PSMB2: variants seen among roughly 807,000 people sequenced by gnomAD.
The protein encoded by PSMB2 is proteasome subunit beta type-2.
Under a neutral mutation model 25.7 loss-of-function variants are expected in PSMB2, and 13 were observed. That is an observed-to-expected ratio of 0.51 (90% confidence interval 0.33 to 0.80). PSMB2 has a LOEUF of 0.80. PSMB2 is among the 30% of genes least tolerant of loss of function. PSMB2 has a pLI of 0.02. For synonymous variants in PSMB2, 87 were observed against 96.2 expected, an observed-to-expected ratio of 0.90 and a Z score of 0.56; for missense variants, 202 against 259.0, an observed-to-expected ratio of 0.78 and a Z score of 1.51.
chr1:35,614,674 C>T (rs752913044), intron 3 of PSMB2, among the ~76,000 whole-genome samples: 25 of 152,190 alleles, frequency 1.6e-4, no homozygotes, highest in African/African-American at 4.1e-4. Context: ...AGCTAAGATA[C>T]TCTCTACCCA....
Position 35,601,876 on chromosome 1 carries a change from AAAGTT to A in PSMB2, c.*1386_*1390del. ...CCACAAAACATCCACATTGTTCCCT[AAAGTT>A]ATGCTAAGAGTAAAACGAGTAACTG... is the stretch of plus-strand genomic sequence containing the variant. On this transcript the variant is annotated 3_prime_UTR_variant, in exon 6 of 6. Transcript: ENST00000373237. 1 of 985,486 alleles carries A rather than the reference AAAGTT, an allele frequency of 1.0e-6. No homozygotes were observed. Among genetic ancestry groups the A allele is most frequent in the Non-Finnish European group, 1.2e-6 (1 of 829,938 alleles). 61.0% of individuals were successfully genotyped at this position (985,486 alleles called of 1,614,324 possible). A position where few individuals can be genotyped will look rare whatever the true frequency, so the allele number is the denominator to read the frequency against.
chr1:35,631,343 T>A lies in PSMB2; in HGVS notation c.216A>T (p.Gly72=), dbSNP rs149330817. 6.2e-7 allele frequency: 1 copy of A among 1,614,088 alleles called. No individual in the cohort carries two copies. Among genetic ancestry groups the A allele is most frequent in the Middle Eastern group, 1.6e-4 (1 of 6,062 alleles). ...KNVQLYKMRN[G]YELSPTAAAN... ...CTGCTGCCGTGGGAGACAATTCATA[T>A]CCTGGTAGAAGAGATAAAGAGTCAT... The change falls in exon 3 of 6, where the codon GGA becomes GGT. Residue 72 remains glycine, a splice_region_variant and synonymous_variant. Transcript: ENST00000373237.
intron 4 of PSMB2, among the ~76,000 whole-genome samples, chr1:35,609,009 C>T (rs1319095326): frequency 6.6e-6 from 1 of 152,204 alleles, no homozygotes; most frequent in African/African-American, 2.4e-5. Flanking sequence ...AAACAAAACC[C>T]AGCTCTAGAG....
chr1:35,613,368 T>A (rs1248025678), intron 3 of PSMB2, among the ~76,000 whole-genome samples: 1 of 149,062 alleles, frequency 6.7e-6, no homozygotes, highest in Non-Finnish European at 1.5e-5. Flanking sequence ...CAAGACCCTG[T>A]CTCTATGGGA....
chr1:35,623,240 T>G (rs981787738), intron 3 of PSMB2, among the ~76,000 whole-genome samples: 1 of 152,170 alleles, frequency 6.6e-6, no homozygotes, highest in African/African-American at 2.4e-5. Flanking sequence ...AAACTGAGTA[T>G]CCATCTAAAT....
chr1:35,641,490 G>A lies in PSMB2; in HGVS notation c.-58C>T. ...ACAGCACGAGACTCGCCCGCTTCCA[G>A]GTCTCACCGGTGAGACAGCACCTCA... On this transcript the variant is annotated 5_prime_UTR_variant, in exon 1 of 6. Transcript: ENST00000373237. The A allele has an allele frequency of 1.9e-6, 3 of 1,609,978 alleles. No homozygotes were observed. Among genetic ancestry groups the A allele is most frequent in the South Asian group, 1.1e-5 (1 of 90,660 alleles).
chr1:35,626,864 G>A (rs1254964184), intron 3 of PSMB2, among the ~76,000 whole-genome samples: 1 of 152,014 alleles, frequency 6.6e-6, no homozygotes, highest in African/African-American at 2.4e-5. Context: ...TGTGGCTATT[G>A]GGTACCTGAA....
chr1:35,603,586 C>A (rs1316767810), intron 5 of PSMB2, among the ~76,000 whole-genome samples: 1 of 152,114 alleles, frequency 6.6e-6, no homozygotes, highest in East Asian at 1.9e-4. Context: ...GGCAGGGAGG[C>A]TGAACTGGGA....
chr1:35,641,382 G>C lies in PSMB2; in HGVS notation c.51C>G (p.Ser17=). 6.2e-7 allele frequency: 1 copy of C among 1,614,048 alleles called. No individual in the cohort carries two copies. Among genetic ancestry groups the C allele is most frequent in the Non-Finnish European group, 8.5e-7 (1 of 1,180,000 alleles). The part of the protein sequence containing the change: ...IQGPDYVLVA[S]DRVAASNIVQ... Reference sequence around the variant, plus strand: ...CAATATTGCTGGCGGCCACCCGGTCGGAGGCGACAAGAACATAGTCGGGGC... The same window carrying C: ...CAATATTGCTGGCGGCCACCCGGTCCGAGGCGACAAGAACATAGTCGGGGC... Residue 17 remains serine, a synonymous_variant, in exon 1 of 6, where the codon TCC becomes TCG. Transcript: ENST00000373237.
In PSMB2 at chr1:35,602,464, G is replaced by A. The variant is rs1557444563; in HGVS notation, c.*803C>T. The A allele has an allele frequency of 6.6e-6, 1 of 152,264 alleles. No individual in the cohort carries two copies. Among genetic ancestry groups the A allele is most frequent in the East Asian group, 1.9e-4 (1 of 5,204 alleles). 9.4% of individuals were successfully genotyped at this position (152,264 alleles called of 1,614,324 possible). A position where few individuals can be genotyped will look rare whatever the true frequency, so the allele number is the denominator to read the frequency against. On this transcript the variant is annotated 3_prime_UTR_variant, in exon 6 of 6. Coordinates refer to ENST00000373237, the MANE Select transcript of PSMB2 (RefSeq NM_002794.5). ...AAGTTTCCTCCAGGAAGGGAAGCAG[G>A]AAGCAGATGACTGGATTATAGGGAT... is the stretch of plus-strand genomic sequence containing the variant.
In PSMB2 at chr1:35,600,153, C is replaced by A. The variant is rs1649947296; in HGVS notation, c.*3114G>T. On this transcript the variant is annotated 3_prime_UTR_variant, in exon 6 of 6. Coordinates refer to ENST00000373237, the MANE Select transcript of PSMB2 (RefSeq NM_002794.5). Reference sequence around the variant, plus strand: ...GCAAGACCCTGTCTCTGAAAAACAACAATAAAAAATTATAATAAAATTAAA... The same window carrying A: ...GCAAGACCCTGTCTCTGAAAAACAAAAATAAAAAATTATAATAAAATTAAA... 13 of 976,534 alleles carry A rather than the reference C, an allele frequency of 1.3e-5. No individual in the cohort carries two copies. The highest frequency in any genetic ancestry group is 1.6e-5 in the Non-Finnish European group (13 of 822,124). The allele number at this position is 976,534 out of a possible 1,614,324, so 60.5% of individuals were successfully genotyped here. A position where few individuals can be genotyped will look rare whatever the true frequency, so the allele number is the denominator to read the frequency against.
At chr1:35,607,847 C>CTTTTATGG (rs1650212667) in intron 4 of PSMB2, among the ~76,000 whole-genome samples, 1 of 152,084 alleles carries the variant, frequency 6.6e-6, no homozygotes, top group African/African-American at 2.4e-5. Flanking sequence ...ATATATACAC[C>CTTTTATGG]ATGAAATACT....
chr1:35,609,739 G>A (rs781047328), intron 3 of PSMB2, among the ~76,000 whole-genome samples: 1 of 152,162 alleles, frequency 6.6e-6, no homozygotes, highest in Non-Finnish European at 1.5e-5. Context: ...AGTGACTATA[G>A]TTAATAATAG....
chr1:35,628,095 A>G (rs148022410), intron 3 of PSMB2, among the ~76,000 whole-genome samples: 2,778 of 152,232 alleles, frequency 0.018, 97 homozygotes, highest in African/African-American at 0.063. Flanking sequence ...CTCTTCCCAG[A>G]ATAAGACGAC....
chr1:35,609,457 A>G, intron 3 of PSMB2, 49 bp from the exon 4 acceptor site: 3 of 1,361,500 alleles, frequency 2.2e-6, no homozygotes, highest in Non-Finnish European at 2.9e-6. Context: ...GAACACCAAC[A>G]TCTCTTCCCA....
In PSMB2 at chr1:35,600,242, A is replaced by G. The variant is rs1256500020; in HGVS notation, c.*3025T>C. 9.1e-6 allele frequency: 9 copies of G among 985,428 alleles called. No homozygotes were observed. The highest frequency in any genetic ancestry group is 1.1e-5 in the Non-Finnish European group (9 of 829,880). The allele number at this position is 985,428 out of a possible 1,614,324, so 61.0% of individuals were successfully genotyped here. On this transcript the variant is annotated 3_prime_UTR_variant, in exon 6 of 6. Transcript: ENST00000373237. ...GTAGAGACAGGAGATAAAGAATGGC[A>G]TAAAAATGATGCCCAGCTAAATGCA...
chr1:35,636,208 T>G, intron 2 of PSMB2, 102 bp downstream of exon 2: 1 of 1,425,786 alleles, frequency 7.0e-7, no homozygotes, highest in South Asian at 1.3e-5. Context: ...TCTAGAACTG[T>G]GAGAAAATAC....
intron 3 of PSMB2, among the ~76,000 whole-genome samples, chr1:35,628,172 G>A (rs1650920669): frequency 6.6e-6 from 1 of 152,056 alleles, no homozygotes; most frequent in Non-Finnish European, 1.5e-5. Flanking sequence ...AGCAGAGATT[G>A]GACCTACTGG....
chr1:35,631,590 C>G, intron 2 of PSMB2: 3 of 1,025,954 alleles, frequency 2.9e-6, no homozygotes, highest in Non-Finnish European at 2.5e-6. Context: ...AATGAAACTT[C>G]TAGCAGCCTT....
Sources: gnomAD v4.1 joint callset for allele counts (sites outside exome capture counted in the v4.1 genomes callset) on GRCh38, gnomAD v4.1.1 for gene constraint, MANE v1.5 for transcripts, NCBI Gene and HGNC (gene_info 2026-07-23, HGNC 2026-07-21) for gene names.